The following MYO9A variants were observed in gnomAD, a reference collection of about 807,000 sequenced individuals.
The protein encoded by MYO9A is myosin IXA.
In MYO9A, 103 loss-of-function variants were observed where a neutral mutation model predicts 293.3. That is an observed-to-expected ratio of 0.35 (90% confidence interval 0.30 to 0.41). The LOEUF (loss-of-function observed/expected upper bound fraction) is 0.41, where lower values mean the gene tolerates loss of function less well. MYO9A is among the 10% of genes least tolerant of loss of function. MYO9A has a pLI of 1.00. For missense variants in MYO9A, 2,685 were observed against 3,033.0 expected (o/e 0.89, Z 2.69); for synonymous variants, 1,001 against 1,035.7 (o/e 0.97, Z 0.64).
chr15:71,895,344 C>G (rs2057292442), intron 25 of MYO9A, among the ~76,000 whole-genome samples: 2 of 152,178 alleles, frequency 1.3e-5, no homozygotes, highest in Non-Finnish European at 1.5e-5. Context: ...TTAGACTTCA[C>G]CATGAATTCT....
At chr15:72,027,586 T>A in intron 4 of MYO9A, 145 bp downstream of exon 4, 1 of 606,688 alleles carries the variant, frequency 1.6e-6, no homozygotes, top group East Asian at 3.0e-5. Flanking sequence ...ACTGCAAAGT[T>A]CTGCCCATGA....
intron 1 of MYO9A, among the ~76,000 whole-genome samples, chr15:72,062,970 C>T (rs559158950): frequency 2.0e-5 from 3 of 152,176 alleles, no homozygotes; most frequent in African/African-American, 4.8e-5. Flanking sequence ...TGCAATGAGC[C>T]GTGATCGTGC....
At chr15:72,085,191 G>A (rs556456722) in intron 1 of MYO9A, among the ~76,000 whole-genome samples, 84 of 152,136 alleles carry the variant, frequency 5.5e-4, no homozygotes, top group African/African-American at 1.8e-3. Context: ...TCAAGAGATC[G>A]AGACCAGCCT....
intron 1 of MYO9A, among the ~76,000 whole-genome samples, chr15:72,068,476 C>T (rs946062372): frequency 7.2e-6 from 1 of 139,026 alleles, no homozygotes; most frequent in Non-Finnish European, 1.6e-5. Context: ...CAAACTAGAT[C>T]CCAATTTCTC....
intron 15 of MYO9A, 187 bp downstream of exon 15, chr15:71,951,590 T>TA (rs1351671668): frequency 7.3e-6 from 4 of 550,978 alleles, no homozygotes; most frequent in Admixed American, 7.5e-5. Flanking sequence ...TCACCAAAGT[T>TA]AAAAAAGTAT....
At position 71,923,075 on chromosome 15, in the gene MYO9A, G is replaced by A. The variant is rs377646471; in HGVS notation, c.2563-6583C>T. ...CATCTGTTCTGTCTATATCATGAGA[G>A]TTTTTATCATGAATGAGTGTTGAAT... On this transcript the variant is annotated intron_variant, in intron 18 of 41. Transcript: ENST00000356056. Among the ~76,000 whole-genome samples the A allele has an allele frequency of 3.9e-5, 6 of 152,062 alleles. No individual in the cohort carries two copies. In the East Asian group the frequency reaches 9.6e-4, roughly 24 times the overall value.
intron 18 of MYO9A, among the ~76,000 whole-genome samples, chr15:71,917,588 T>A (rs1215285350): frequency 1.3e-5 from 2 of 152,068 alleles, no homozygotes; most frequent in African/African-American, 4.8e-5. Context: ...CATCATGATG[T>A]ACTACACTAA....
chr15:71,924,490 C>A (rs2058239803), intron 18 of MYO9A, among the ~76,000 whole-genome samples: 1 of 152,112 alleles, frequency 6.6e-6, no homozygotes, highest in African/African-American at 2.4e-5. Context: ...GACCTGCCCA[C>A]CTTGGCCTCC....
intron 2 of MYO9A, among the ~76,000 whole-genome samples, chr15:72,039,480 C>G (rs989641753): frequency 6.6e-6 from 1 of 151,768 alleles, no homozygotes; most frequent in Non-Finnish European, 1.5e-5. Flanking sequence ...CCAAAAAAAA[C>G]CAGATAGGAT....
intron 1 of MYO9A, among the ~76,000 whole-genome samples, chr15:72,086,337 C>A (rs2079727161): frequency 6.6e-6 from 1 of 151,824 alleles, no homozygotes; most frequent in Admixed American, 6.6e-5. Flanking sequence ...TGCACATTTA[C>A]ACAGGTGGGG....
At chr15:71,853,895 G>T (rs2055759535) in intron 35 of MYO9A, among the ~76,000 whole-genome samples, 1 of 152,182 alleles carries the variant, frequency 6.6e-6, no homozygotes, top group Non-Finnish European at 1.5e-5. Flanking sequence ...CAGAAGATCT[G>T]GGGTTAACTC....
At chr15:71,888,319 T>C (rs112255006) in intron 26 of MYO9A, 1 of 337,230 alleles carries the variant, frequency 3.0e-6, no homozygotes. Flanking sequence ...TCAATGAAAA[T>C]AAACAGGATC....
chr15:72,011,343 A>T (rs1350554041), intron 6 of MYO9A, among the ~76,000 whole-genome samples: 2 of 150,716 alleles, frequency 1.3e-5, no homozygotes, highest in African/African-American at 4.8e-5. Flanking sequence ...ATACATATAT[A>T]ATTATTTATA....
chr15:72,044,947 A>T (rs2078338200), intron 2 of MYO9A, among the ~76,000 whole-genome samples: 1 of 152,090 alleles, frequency 6.6e-6, no homozygotes, highest in African/African-American at 2.4e-5. Flanking sequence ...CACACTCTTC[A>T]ATCTTCCACA....
intron 1 of MYO9A, among the ~76,000 whole-genome samples, chr15:72,049,724 T>A (rs1406811821): frequency 6.6e-6 from 1 of 152,372 alleles, no homozygotes; most frequent in East Asian, 1.9e-4. Flanking sequence ...ATGCTCCTTA[T>A]GAGAATCTAA....
chr15:72,110,247 C>G (rs1444183473), intron 1 of MYO9A, among the ~76,000 whole-genome samples: 1 of 151,844 alleles, frequency 6.6e-6, no homozygotes, highest in Admixed American at 6.6e-5. Flanking sequence ...ACCTTCCTGG[C>G]CAACATGGCA....
At chr15:71,931,424 C>T (rs1262538703) in intron 18 of MYO9A, among the ~76,000 whole-genome samples, 22 of 152,200 alleles carry the variant, frequency 1.4e-4, no homozygotes, top group Admixed American at 1.4e-3. Flanking sequence ...ATCCCACTAA[C>T]TCTGGCATGC....
chr15:71,972,662 A>C (rs1422021726), intron 12 of MYO9A, among the ~76,000 whole-genome samples: 3 of 152,160 alleles, frequency 2.0e-5, no homozygotes, highest in Non-Finnish European at 4.4e-5. Context: ...GAGCAGAGGA[A>C]AACATGGTTT....
intron 5 of MYO9A, among the ~76,000 whole-genome samples, chr15:72,019,345 AT>A (rs1440902178): frequency 6.6e-6 from 1 of 152,236 alleles, no homozygotes; most frequent in African/African-American, 2.4e-5. Context: ...TCCTATGAAT[AT>A]TGACATTATG....
Sources: gnomAD v4.1 joint callset for allele counts (sites outside exome capture counted in the v4.1 genomes callset) on GRCh38, gnomAD v4.1.1 for gene constraint, MANE v1.5 for transcripts, NCBI Gene and HGNC (gene_info 2026-07-23, HGNC 2026-07-21) for gene names.